Variants in PRUNE2 observed in about 807,000 individuals in gnomAD.
The protein encoded by PRUNE2 is prune homolog 2 with BCH domain, also known as protein prune homolog 2.
In PRUNE2, 164 loss-of-function variants were observed where a neutral mutation model predicts 252.0. The observed-to-expected ratio is 0.65, with a 90% CI of 0.57 to 0.74. The LOEUF (loss-of-function observed/expected upper bound fraction) is 0.74, where lower values mean the gene tolerates loss of function less well. PRUNE2 is among the 30% of genes least tolerant of loss of function. The pLI, the probability that PRUNE2 is intolerant of heterozygous loss-of-function variation, is 0.00. For synonymous variants in PRUNE2, 1,292 were observed against 1,350.2 expected (o/e 0.96, Z 0.94); for missense variants, 3,495 against 3,711.0 (o/e 0.94, Z 1.51).
At chr9:76,818,157 G>A (rs950138218) in intron 6 of PRUNE2, among the ~76,000 whole-genome samples, 3 of 151,984 alleles carry the variant, frequency 2.0e-5, no homozygotes, top group Non-Finnish European at 4.4e-5. Flanking sequence ...CCCAAGAAAC[G>A]CTATGCACTC....
At chr9:76,727,178 G>C (rs2048172772) in intron 6 of PRUNE2, among the ~76,000 whole-genome samples, 1 of 152,110 alleles carries the variant, frequency 6.6e-6, no homozygotes. Context: ...CCCTAGTTAT[G>C]ACAACTAAAT....
At chr9:76,738,217 C>A (rs1345080483) in intron 6 of PRUNE2, 1 of 152,110 alleles carries the variant, frequency 6.6e-6, no homozygotes, top group Non-Finnish European at 1.5e-5. Context: ...ATATTTAAGG[C>A]GTAAACATTA....
At chr9:76,691,395 A>T (rs2044707407) in intron 9 of PRUNE2, among the ~76,000 whole-genome samples, 1 of 152,258 alleles carries the variant, frequency 6.6e-6, no homozygotes, top group Admixed American at 6.5e-5. Context: ...TTCCTGGTTG[A>T]AACTGACCAG....
At chr9:76,855,333 T>G (rs910553287) in intron 1 of PRUNE2, among the ~76,000 whole-genome samples, 3 of 152,078 alleles carry the variant, frequency 2.0e-5, no homozygotes, top group South Asian at 2.1e-4. Context: ...TTTTCATCAC[T>G]TGTTTTAACT....
At chr9:76,876,111 C>T (rs1022948548) in intron 1 of PRUNE2, among the ~76,000 whole-genome samples, 1 of 152,138 alleles carries the variant, frequency 6.6e-6, no homozygotes, top group African/African-American at 2.4e-5. Flanking sequence ...TACAAATCTG[C>T]TTGCAAAATC....
chr9:76,668,691 G>A (rs951647645), intron 9 of PRUNE2, among the ~76,000 whole-genome samples: 1 of 151,836 alleles, frequency 6.6e-6, no homozygotes, highest in Non-Finnish European at 1.5e-5. Flanking sequence ...GGCCTGTGGG[G>A]CCTCCCCACT....
chr9:76,620,741 G>A (rs777118644), intron 17 of PRUNE2, among the ~76,000 whole-genome samples: 3 of 152,118 alleles, frequency 2.0e-5, no homozygotes, highest in Non-Finnish European at 4.4e-5. Context: ...AGTGTTGACA[G>A]CGTGCTAAAA....
In PRUNE2 at chr9:76,837,447, T is replaced by TAATAATAA. The variant is rs1450399787; in HGVS notation, c.508+9060_508+9067dup. 7.5e-5 allele frequency among the ~76,000 whole-genome samples: 5 copies of TAATAATAA among 66,828 alleles called. No individual in the cohort carries two copies. The Admixed American group carries it at 9.8e-4, about 13-fold the overall frequency. 43.8% of individuals were successfully genotyped at this position (66,828 alleles called of 152,430 possible). On this transcript the variant is annotated intron_variant, in intron 4 of 18. Transcript: ENST00000376718. ...CACAGTGAGACTCTGTCTCAAATAATAATAATAATAATAATAATAATAATA... is the reference window on the plus strand; with the variant it reads ...CACAGTGAGACTCTGTCTCAAATAATAATAATAAAATAATAATAATAATAATAATAATA...
intron 6 of PRUNE2, among the ~76,000 whole-genome samples, chr9:76,752,032 C>A (rs2050650805): frequency 1.2e-5 from 1 of 82,712 alleles, no homozygotes. Flanking sequence ...AATCAAATAT[C>A]AGGATTAGAT....
chr9:76,723,964 C>T (rs546259716), intron 6 of PRUNE2, among the ~76,000 whole-genome samples: 6 of 151,474 alleles, frequency 4.0e-5, no homozygotes, highest in East Asian at 4.0e-4. Context: ...CCTGCTACCA[C>T]GCTCGGCTAA....
At chr9:76,777,588 T>C (rs1287558134) in intron 6 of PRUNE2, among the ~76,000 whole-genome samples, 3 of 152,244 alleles carry the variant, frequency 2.0e-5, no homozygotes, top group Non-Finnish European at 4.4e-5. Context: ...CAAGGCATTC[T>C]TGGGGATACA....
intron 9 of PRUNE2, among the ~76,000 whole-genome samples, chr9:76,677,180 T>A (rs920302794): frequency 5.3e-5 from 8 of 152,262 alleles, no homozygotes; most frequent in African/African-American, 1.7e-4. Flanking sequence ...ATAGTTTCTC[T>A]TTTGCAATGG....
chr9:76,662,686 A>G (rs559085305), intron 9 of PRUNE2, among the ~76,000 whole-genome samples: 4 of 152,326 alleles, frequency 2.6e-5, no homozygotes, highest in African/African-American at 7.2e-5. Context: ...TTCAGGAATA[A>G]CCACTTTTAC....
At chr9:76,746,074 T>C (rs755727842) in intron 6 of PRUNE2, among the ~76,000 whole-genome samples, 18 of 152,176 alleles carry the variant, frequency 1.2e-4, no homozygotes, top group Non-Finnish European at 1.9e-4. Context: ...AAGGGGAGAA[T>C]AAGGCCAACC....
intron 6 of PRUNE2, among the ~76,000 whole-genome samples, chr9:76,813,543 T>G (rs1223540993): frequency 6.6e-6 from 1 of 152,200 alleles, no homozygotes; most frequent in Non-Finnish European, 1.5e-5. Flanking sequence ...TGAAAACTAT[T>G]CTTTAATTCA....
At chr9:76,624,625 G>T in intron 16 of PRUNE2, 135 bp from the exon 17 acceptor site, 1 of 514,602 alleles carries the variant, frequency 1.9e-6, no homozygotes, top group Non-Finnish European at 3.3e-6. Context: ...CTGGAGCCCT[G>T]AGACGTACTC....
At position 76,708,446 on chromosome 9, in the gene PRUNE2, T is replaced by G; in HGVS notation, c.3828A>C (p.Ser1276=). The G allele has an allele frequency of 6.2e-7, 1 of 1,613,968 alleles. No homozygotes were observed. Among genetic ancestry groups the G allele is most frequent in the Non-Finnish European group, 8.5e-7 (1 of 1,179,890 alleles). Residue 1276 remains serine, a synonymous_variant, in exon 8 of 19, where the codon TCA becomes TCC. Transcript: ENST00000376718. Reference sequence around the variant, plus strand: ...TGTCAAGATGAGATATAAGTGCCTCTGATTCACTGGTTCCAGAGGCTGCTG... The same window carrying G: ...TGTCAAGATGAGATATAAGTGCCTCGGATTCACTGGTTCCAGAGGCTGCTG... The part of the protein sequence containing the change: ...DAPAASGTSE[S]EALISHLDKQ...
chr9:76,644,707 C>T, intron 12 of PRUNE2, 32 bp downstream of exon 12: 3 of 1,607,292 alleles, frequency 1.9e-6, no homozygotes, highest in Non-Finnish European at 2.6e-6. Flanking sequence ...TGCCCCTTCC[C>T]CATTTCCCAG....
At chr9:76,656,802 C>T (rs1364769255) in intron 9 of PRUNE2, among the ~76,000 whole-genome samples, 1 of 152,156 alleles carries the variant, frequency 6.6e-6, no homozygotes, top group East Asian at 1.9e-4. Flanking sequence ...ACTCCTGAGA[C>T]CCCTTCAAAA....
Sources: allele counts gnomAD v4.1 joint callset (sites outside exome capture counted in the v4.1 genomes callset), GRCh38; gene constraint gnomAD v4.1.1; transcripts MANE v1.5; gene names NCBI Gene and HGNC (gene_info 2026-07-23, HGNC 2026-07-21).